The following TECPR1 variants were observed in gnomAD, a reference collection of about 807,000 sequenced individuals.
The protein encoded by TECPR1 is tectonin beta-propeller repeat-containing protein 1.
TECPR1 carries 122 observed loss-of-function variants against 162.4 expected under a neutral mutation model. That is an observed-to-expected ratio of 0.75 (90% CI 0.65 to 0.87). The LOEUF is 0.87. Among genes scored for constraint, TECPR1 ranks in the 40% least tolerant of loss-of-function variants. The probability of loss-of-function intolerance (pLI) is 0.00; values close to 1 mark genes in which losing one functional copy is unlikely to be tolerated. For synonymous variants in TECPR1, 642 were observed against 670.6 expected, an observed-to-expected ratio of 0.96 and a Z score of 0.66; for missense variants, 1,432 against 1,618.2, an observed-to-expected ratio of 0.88 and a Z score of 1.97.
chr7:98,229,574 C>G lies in TECPR1; in HGVS notation c.2283-408G>C, dbSNP rs562632198. Among the ~76,000 whole-genome samples, 3 of 152,348 alleles carry G rather than the reference C, an allele frequency of 2.0e-5. No homozygotes were observed. In the South Asian group the frequency reaches 6.2e-4, roughly 32 times the overall value. ...TTGAATGTCACAGAGCAGAGCCGGA[C>G]ATGACATCTAATCCTCTGCATGAGT... is the stretch of plus-strand genomic sequence containing the variant. On this transcript the variant is annotated intron_variant, in intron 15 of 25. Coordinates refer to ENST00000447648, the MANE Select transcript of TECPR1 (RefSeq NM_015395.3).
chr7:98,221,481 AG>A (rs748333595), intron 23 of TECPR1, among the ~76,000 whole-genome samples, 179 bp downstream of exon 23: 3 of 62,068 alleles, frequency 4.8e-5, no homozygotes, highest in African/African-American at 1.1e-4. Flanking sequence ...TAAAAATTAA[AG>A]TTTTTTTTTT....
chr7:98,228,207 C>A, intron 16 of TECPR1, 91 bp from the exon 17 acceptor site: 4 of 1,015,594 alleles, frequency 3.9e-6, no homozygotes, highest in Admixed American at 2.0e-5. Context: ...CCCAGAGAGA[C>A]GGGGAGGGCG....
At chr7:98,222,319 A>T in intron 22 of TECPR1, 67 bp downstream of exon 22, 8 of 1,546,570 alleles carry the variant, frequency 5.2e-6, no homozygotes, top group Non-Finnish European at 7.0e-6. Flanking sequence ...CCCAGAGGGG[A>T]TGTTCAGCAA....
chr7:98,230,850 A>C, intron 15 of TECPR1, 111 bp downstream of exon 15: 1 of 1,387,988 alleles, frequency 7.2e-7, no homozygotes. Context: ...CTGCCTGGTC[A>C]GCGAGAAGCT....
At chr7:98,222,610 G>A (rs1380632343) in intron 21 of TECPR1, 89 bp from the exon 22 acceptor site, 59 of 1,467,010 alleles carry the variant, frequency 4.0e-5, no homozygotes, top group South Asian at 2.7e-4. Context: ...GGCCTAGCGC[G>A]TGGGCAGCAT....
intron 2 of TECPR1, among the ~76,000 whole-genome samples, chr7:98,248,597 T>C (rs980666971): frequency 7.3e-6 from 1 of 136,928 alleles, no homozygotes; most frequent in African/African-American, 2.8e-5. Flanking sequence ...AACCCAGCAC[T>C]TTGGGAGGCC....
intron 15 of TECPR1, among the ~76,000 whole-genome samples, chr7:98,229,858 G>A (rs554028741): frequency 5.9e-5 from 9 of 152,214 alleles, no homozygotes; most frequent in Non-Finnish European, 1.2e-4. Flanking sequence ...GGACCTCGTC[G>A]GCTTGGGAAC....
Position 98,236,936 on chromosome 7 carries a change from C to A in TECPR1, c.1036-15G>T. 6.5e-7 allele frequency: 1 copy of A among 1,529,750 alleles called. No homozygotes were observed. Among genetic ancestry groups the A allele is most frequent in the Non-Finnish European group, 8.8e-7 (1 of 1,136,170 alleles). 94.8% of individuals were successfully genotyped at this position (1,529,750 alleles called of 1,614,324 possible). On this transcript the variant is annotated splice_polypyrimidine_tract_variant and intron_variant, in intron 9 of 25. Coordinates refer to ENST00000447648, the MANE Select transcript of TECPR1 (RefSeq NM_015395.3). ...ATGCCCCACACCTGGAAGAGAGAGGCTGTGTTCCGAGGAATCTGGGCGCAG... is the reference window on the plus strand; with the variant it reads ...ATGCCCCACACCTGGAAGAGAGAGGATGTGTTCCGAGGAATCTGGGCGCAG...
chr7:98,231,776 C>G (rs1283491590), intron 13 of TECPR1, 28 bp downstream of exon 13: 16 of 1,602,774 alleles, frequency 1.0e-5, no homozygotes, highest in Non-Finnish European at 1.4e-5. Flanking sequence ...CCCTCCCTGG[C>G]CCCATCTCCT....
chr7:98,230,046 C>T (rs890628530), intron 15 of TECPR1, among the ~76,000 whole-genome samples: 5 of 150,674 alleles, frequency 3.3e-5, no homozygotes, highest in East Asian at 2.0e-4. Context: ...GCTGGAGTGC[C>T]GTGGTGTGAG....
chr7:98,228,709 C>T (rs1017666739), intron 16 of TECPR1: 4 of 273,920 alleles, frequency 1.5e-5, no homozygotes, highest in African/African-American at 2.1e-5. Context: ...CAGAGGGACC[C>T]TGGCTCCTAG....
At chr7:98,244,509 G>A in intron 5 of TECPR1, 62 bp downstream of exon 5, 4 of 1,535,650 alleles carry the variant, frequency 2.6e-6, no homozygotes, top group Non-Finnish European at 3.5e-6. Flanking sequence ...TGGAGAGGAG[G>A]CTGCATGTGA....
intron 22 of TECPR1, 133 bp from the exon 23 acceptor site, chr7:98,221,886 C>T (rs757665070): frequency 1.5e-6 from 1 of 683,166 alleles, no homozygotes; most frequent in Non-Finnish European, 2.5e-6. Context: ...ACAGAGCTGA[C>T]ACGTGCCCTG....
chr7:98,243,442 G>A, intron 6 of TECPR1, 25 bp downstream of exon 6: 1 of 1,610,992 alleles, frequency 6.2e-7, no homozygotes, highest in East Asian at 2.2e-5. Context: ...TGGGGAGCCA[G>A]GGCAGGGAGA....
chr7:98,244,784 C>T, intron 4 of TECPR1, 91 bp from the exon 5 acceptor site: 1 of 1,580,862 alleles, frequency 6.3e-7, no homozygotes, highest in Non-Finnish European at 8.6e-7. Context: ...GCCTGAAACA[C>T]CCGAGCTCAG....
At chr7:98,242,818 C>A (rs202107063) in intron 6 of TECPR1, among the ~76,000 whole-genome samples, 6 of 126,560 alleles carry the variant, frequency 4.7e-5, no homozygotes, top group Non-Finnish European at 6.8e-5. Flanking sequence ...CATCCGCACA[C>A]CCACCCATCT....
In TECPR1 at chr7:98,222,406, A is replaced by G. The variant is rs772634373; in HGVS notation, c.3044T>C (p.Val1015Ala). The change falls in exon 22 of 26, where the codon GTG becomes GCG. Residue 1015 changes from valine (V) to alanine (A), a missense_variant. Transcript: ENST00000447648. ...CTCACCGGCTGGCTGCGAGGGGTAC[A>G]CGGATCCCCGGTAGAAGGCGGAGCC... ...RDGSAFYRGS[V>A]YPSQPAGDCW... 32 of 1,600,436 alleles carry G rather than the reference A, an allele frequency of 2.0e-5. No individual in the cohort carries two copies. In the Admixed American group the frequency reaches 4.8e-4, roughly 24 times the overall value.
Position 98,231,324 on chromosome 7 carries a change from T to C in TECPR1, c.2024A>G (p.Asn675Ser). The C allele has an allele frequency of 1.9e-6, 3 of 1,611,512 alleles. No individual in the cohort carries two copies. The highest frequency in any genetic ancestry group is 2.5e-6 in the Non-Finnish European group (3 of 1,178,960). Residue 675 changes from asparagine (N) to serine (S), a missense_variant, in exon 14 of 26, where the codon AAC becomes AGC. By Grantham distance (46) the Asn-to-Ser change is conservative (BLOSUM62 1). Coordinates refer to ENST00000447648, the MANE Select transcript of TECPR1 (RefSeq NM_015395.3). ...CAGGGCAAAGGAGTGCTTGGTCTCG[T>C]TCAGCACTGGGACCAGCGCCACCAC... ...NEVVALVPVL[N>S]ETKHSFALYT...
intron 13 of TECPR1, 136 bp from the exon 14 acceptor site, chr7:98,231,509 C>T (rs1798435713): frequency 1.2e-6 from 1 of 855,114 alleles, no homozygotes; most frequent in African/African-American, 1.8e-5. Flanking sequence ...CCTGCCCCCT[C>T]CCTTGGTACT....
Sources: allele counts gnomAD v4.1 joint callset (sites outside exome capture counted in the v4.1 genomes callset), GRCh38; gene constraint gnomAD v4.1.1; transcripts MANE v1.5; gene names NCBI Gene and HGNC (gene_info 2026-07-23, HGNC 2026-07-21).